The following ARHGEF4 variants were observed in gnomAD, a reference collection of about 807,000 sequenced individuals.
The protein encoded by ARHGEF4 is Rho guanine nucleotide exchange factor 4.
Under a neutral mutation model 162.0 loss-of-function variants are expected in ARHGEF4, and 119 were observed. The ratio of observed to expected loss-of-function variants is 0.73; its 90% CI spans 0.63 to 0.86. The LOEUF (loss-of-function observed/expected upper bound fraction) is 0.86. Ranked by LOEUF, ARHGEF4 falls within the 40% of genes least tolerant of loss-of-function variation. The pLI is 0.00. For missense variants in ARHGEF4, 2,488 were observed against 2,456.0 expected (o/e 1.01, Z -0.28); for synonymous variants, 1,014 against 979.9 (o/e 1.03, Z -0.65).
At position 130,916,582 on chromosome 2, in the gene ARHGEF4, C is replaced by T. The variant is rs775856800; in HGVS notation, c.2636C>T (p.Thr879Ile). 2.2e-5 allele frequency: 34 copies of T among 1,550,494 alleles called. No individual in the cohort carries two copies. The highest frequency in any genetic ancestry group is 1.7e-4 in the East Asian group (7 of 40,892). The change falls in exon 2 of 14, where the codon ACC becomes ATC. Residue 879 changes from threonine to isoleucine, a missense_variant. Thr to Ile is a moderately conservative substitution (Grantham distance 89). Transcript: ENST00000409359. ...CCGGCAGGAGCGGGGCACACGGGGA[C>T]CTCAGGGGATCTTGGTAGCCGAGGG... ...AGPAGAGHTG[T>I]SGDLGSRGPS... is the part of the protein sequence containing the mutation.
intron 4 of ARHGEF4, among the ~76,000 whole-genome samples, chr2:130,978,670 G>A (rs1396016371): frequency 6.6e-6 from 1 of 151,958 alleles, no homozygotes; most frequent in Non-Finnish European, 1.5e-5. Context: ...GGAGAAATTA[G>A]GCAGAGAAAT....
chr2:131,013,355 C>T (rs958802746), intron 4 of ARHGEF4, among the ~76,000 whole-genome samples: 1 of 152,156 alleles, frequency 6.6e-6, no homozygotes, highest in Non-Finnish European at 1.5e-5. Flanking sequence ...ACAAAGTGGT[C>T]AGCTAGAGTG....
chr2:130,856,561 A>G (rs1681799593), intron 1 of ARHGEF4, among the ~76,000 whole-genome samples: 1 of 152,238 alleles, frequency 6.6e-6, no homozygotes, highest in Admixed American at 6.5e-5. Context: ...GATTGCCAGT[A>G]AAAGTGATTA....
At chr2:131,008,715 G>T (rs549118952) in intron 4 of ARHGEF4, among the ~76,000 whole-genome samples, 21 of 151,990 alleles carry the variant, frequency 1.4e-4, no homozygotes, top group African/African-American at 4.6e-4. Context: ...TTGCTCTGAA[G>T]ATTATTTTAT....
At chr2:130,845,652 A>G (rs991965346) in intron 1 of ARHGEF4, among the ~76,000 whole-genome samples, 3 of 152,166 alleles carry the variant, frequency 2.0e-5, no homozygotes, top group Non-Finnish European at 2.9e-5. Flanking sequence ...TCCTCAGAGC[A>G]TAGTGGGTGT....
chr2:130,947,201 G>A (rs917307406), intron 4 of ARHGEF4: 1 of 152,418 alleles, frequency 6.6e-6, no homozygotes, highest in African/African-American at 2.4e-5. Flanking sequence ...TTGCACTCCA[G>A]CCTGGGCAAT....
intron 4 of ARHGEF4, among the ~76,000 whole-genome samples, chr2:131,002,754 CT>C (rs1687867497): frequency 1.7e-5 from 2 of 119,434 alleles, no homozygotes; most frequent in South Asian, 5.9e-4. Flanking sequence ...GTTGTGGGGG[CT>C]GGGGGTGAAG....
chr2:131,043,691 G>A (rs993298398), intron 11 of ARHGEF4, 108 bp downstream of exon 11: 15 of 1,524,248 alleles, frequency 9.8e-6, no homozygotes, highest in Admixed American at 1.8e-5. Context: ...GACCATACCC[G>A]GGGAGCCTGG....
intron 1 of ARHGEF4, among the ~76,000 whole-genome samples, chr2:130,865,482 C>G (rs1023307265): frequency 6.6e-6 from 1 of 152,202 alleles, no homozygotes; most frequent in African/African-American, 2.4e-5. Context: ...GTTCCTCCCA[C>G]GTGAGGCAGG....
chr2:130,928,435 C>T (rs762440495), intron 2 of ARHGEF4, among the ~76,000 whole-genome samples: 2 of 152,222 alleles, frequency 1.3e-5, no homozygotes, highest in South Asian at 4.1e-4. Flanking sequence ...CAGTTAAGTC[C>T]GTGGTCCCCA....
At chr2:130,990,539 C>T (rs984929466) in intron 4 of ARHGEF4, among the ~76,000 whole-genome samples, 2 of 151,918 alleles carry the variant, frequency 1.3e-5, no homozygotes, top group Non-Finnish European at 2.9e-5. Context: ...GCTATAAAAC[C>T]CTAGTTATGC....
intron 10 of ARHGEF4, 94 bp from the exon 11 acceptor site, chr2:131,043,357 CA>C (rs1452911555): frequency 1.2e-5 from 19 of 1,553,318 alleles, no homozygotes; most frequent in African/African-American, 1.2e-4. Flanking sequence ...CAGGCAAGGC[CA>C]GGGGGAGGTG....
chr2:130,994,367 T>C, intron 4 of ARHGEF4, among the ~76,000 whole-genome samples: 1 of 152,182 alleles, frequency 6.6e-6, no homozygotes, highest in East Asian at 1.9e-4. Flanking sequence ...ATGTATACAC[T>C]CTTATTATTA....
Position 130,914,064 on chromosome 2 carries a change from G to C in ARHGEF4, c.118G>C (p.Val40Leu). The change falls in exon 2 of 14, where the codon GTG (valine) becomes CTG (leucine). Residue 40 changes from valine (V) to leucine (L), a missense_variant. By Grantham distance (32) the Val-to-Leu change is conservative. This residue lies in a region of ARHGEF4 where 171 missense variants were observed against 169.4 expected (regional missense o/e 1.01). Transcript: ENST00000409359. Reference protein sequence around the residue: ...NQLPTSPAEQVEQGWNQQTDR... With the variant: ...NQLPTSPAEQLEQGWNQQTDR... ...GCTCCCCACATCCCCTGCAGAACAA[G>C]TGGAGCAGGGATGGAACCAGCAAAC... is the stretch of plus-strand genomic sequence containing the variant. 1 of 1,536,164 alleles carries C rather than the reference G, an allele frequency of 6.5e-7. No homozygotes were observed. Among genetic ancestry groups the C allele is most frequent in the Non-Finnish European group, 8.7e-7 (1 of 1,146,910 alleles).
intron 4 of ARHGEF4, among the ~76,000 whole-genome samples, chr2:131,020,272 T>C (rs373569800): frequency 1.3e-5 from 2 of 151,874 alleles, no homozygotes; most frequent in Non-Finnish European, 2.9e-5. Context: ...ATGTGCCATG[T>C]TGGTGTGCTG....
chr2:131,046,019 G>C lies in ARHGEF4; in HGVS notation c.5480-19G>C, dbSNP rs772200304. On this transcript the variant is annotated intron_variant, in intron 13 of 13. Transcript: ENST00000409359. Reference sequence around the variant, plus strand: ...CTGCCCTGGGCACCCATGACCCTCTGCTGTCTCTCCCTGTTCAGCTGTTGG... The same window carrying C: ...CTGCCCTGGGCACCCATGACCCTCTCCTGTCTCTCCCTGTTCAGCTGTTGG... 10 of 1,602,574 alleles carry C rather than the reference G, an allele frequency of 6.2e-6. No individual in the cohort carries two copies. In the South Asian group the frequency reaches 1.1e-4, roughly 18 times the overall value.
intron 1 of ARHGEF4, among the ~76,000 whole-genome samples, chr2:130,901,810 C>T (rs886380789): frequency 6.6e-5 from 10 of 152,132 alleles, no homozygotes; most frequent in African/African-American, 1.7e-4. Context: ...CCTGAGCCAC[C>T]GTGCCCGGCC....
At chr2:130,940,129 A>T (rs1253618018) in intron 3 of ARHGEF4, among the ~76,000 whole-genome samples, 1 of 152,010 alleles carries the variant, frequency 6.6e-6, no homozygotes, top group African/African-American at 2.4e-5. Flanking sequence ...GTCACTTCCA[A>T]ATTTGTAGGT....
chr2:130,980,414 C>G (rs1686043497), intron 4 of ARHGEF4, among the ~76,000 whole-genome samples: 1 of 151,810 alleles, frequency 6.6e-6, no homozygotes, highest in Non-Finnish European at 1.5e-5. Context: ...ATTATAAGTC[C>G]TATGCCAGAC....
Sources: gnomAD v4.1 joint callset for allele counts (sites outside exome capture counted in the v4.1 genomes callset) on GRCh38, gnomAD v4.1.1 for gene constraint, gnomAD v4.1.1 regional missense constraint, MANE v1.5 for transcripts, NCBI Gene and HGNC (gene_info 2026-07-23, HGNC 2026-07-21) for gene names.